Variants in MIPOL1 observed in about 807,000 individuals in gnomAD.
MIPOL1 encodes the protein mirror-image polydactyly 1.
A neutral mutation model predicts 60.9 loss-of-function variants in MIPOL1; 57 were observed. That is an observed-to-expected ratio of 0.94 (90% CI 0.76 to 1.17). The LOEUF is 1.17. Ranked by LOEUF, MIPOL1 falls within the 50% of genes most tolerant of loss-of-function variation. The pLI is 0.00. For synonymous variants in MIPOL1, 179 were observed against 168.8 expected (o/e 1.06, Z -0.47); for missense variants, 551 against 511.6 (o/e 1.08, Z -0.74).
chr14:37,450,581 T>A (rs902185818), intron 11 of MIPOL1, among the ~76,000 whole-genome samples: 2 of 152,064 alleles, frequency 1.3e-5, no homozygotes, highest in Non-Finnish European at 2.9e-5. Flanking sequence ...TAGGAATGGA[T>A]CTTCCTTCAT....
chr14:37,521,700 C>G (rs1164577384), intron 12 of MIPOL1, among the ~76,000 whole-genome samples: 1 of 151,960 alleles, frequency 6.6e-6, no homozygotes, highest in Non-Finnish European at 1.5e-5. Context: ...CGGATCTCTT[C>G]CAGTACTCCA....
chr14:37,269,324 C>T (rs2083111229), intron 5 of MIPOL1, among the ~76,000 whole-genome samples: 1 of 151,850 alleles, frequency 6.6e-6, no homozygotes, highest in African/African-American at 2.4e-5. Flanking sequence ...GACTCTTATT[C>T]TAGTTATAGT....
chr14:37,287,230 AAT>A (rs1003563693), intron 7 of MIPOL1, among the ~76,000 whole-genome samples: 2 of 150,186 alleles, frequency 1.3e-5, no homozygotes, highest in Admixed American at 6.7e-5. Flanking sequence ...TATATTTAAA[AAT>A]ATATATATAT....
intron 12 of MIPOL1, among the ~76,000 whole-genome samples, chr14:37,511,656 G>A (rs1384833079): frequency 6.6e-6 from 1 of 152,098 alleles, no homozygotes; most frequent in Non-Finnish European, 1.5e-5. Context: ...AAGTTCCAAA[G>A]GACTTTTAAA....
chr14:37,450,801 A>G (rs1015933446), intron 11 of MIPOL1, among the ~76,000 whole-genome samples: 6 of 152,102 alleles, frequency 3.9e-5, no homozygotes, highest in Non-Finnish European at 7.4e-5. Flanking sequence ...AAATTTCTTC[A>G]ACTTGATTTC....
intron 10 of MIPOL1, 137 bp from the exon 11 acceptor site, chr14:37,422,718 T>TA: frequency 1.7e-6 from 1 of 593,626 alleles, no homozygotes. Context: ...TCTGGTAACT[T>TA]ATGAGACACT....
intron 12 of MIPOL1, among the ~76,000 whole-genome samples, chr14:37,532,554 G>C (rs2095486005): frequency 1.3e-5 from 2 of 151,940 alleles, no homozygotes; most frequent in South Asian, 4.1e-4. Flanking sequence ...GAAAAAAAAT[G>C]AAAGTCAGTC....
chr14:37,322,102 TA>T (rs1490764508), intron 9 of MIPOL1, among the ~76,000 whole-genome samples: 1 of 152,084 alleles, frequency 6.6e-6, no homozygotes, highest in Non-Finnish European at 1.5e-5. Context: ...TGCATTCATG[TA>T]AATGCAGGCA....
intron 11 of MIPOL1, among the ~76,000 whole-genome samples, chr14:37,467,728 A>G (rs1311833498): frequency 6.6e-6 from 1 of 152,132 alleles, no homozygotes; most frequent in Non-Finnish European, 1.5e-5. Context: ...TTGAGGTGCT[A>G]AAGATAAAAT....
intron 7 of MIPOL1, among the ~76,000 whole-genome samples, chr14:37,305,202 T>G (rs2086679327): frequency 6.6e-6 from 1 of 151,826 alleles, no homozygotes; most frequent in African/African-American, 2.4e-5. Context: ...TGAATTTCAT[T>G]TTCTGAAAAT....
chr14:37,367,882 G>A (rs1464153526), intron 9 of MIPOL1, among the ~76,000 whole-genome samples: 2 of 151,982 alleles, frequency 1.3e-5, no homozygotes, highest in Non-Finnish European at 2.9e-5. Context: ...TGTGTCCTTA[G>A]TAACACACAC....
intron 12 of MIPOL1, among the ~76,000 whole-genome samples, chr14:37,536,694 T>C (rs552082581): frequency 1.3e-5 from 2 of 152,308 alleles, no homozygotes; most frequent in East Asian, 3.9e-4. Flanking sequence ...TATTACCAAA[T>C]TATTTTAGAC....
chr14:37,250,892 C>T (rs776560076), intron 3 of MIPOL1, among the ~76,000 whole-genome samples: 2 of 151,848 alleles, frequency 1.3e-5, no homozygotes, highest in Non-Finnish European at 2.9e-5. Context: ...ACTGTAGAAA[C>T]GCTTCTGAAA....
At chr14:37,342,287 G>A (rs947808848) in intron 9 of MIPOL1, among the ~76,000 whole-genome samples, 1 of 151,950 alleles carries the variant, frequency 6.6e-6, no homozygotes, top group African/African-American at 2.4e-5. Context: ...AGCCTGGGAG[G>A]GAGGCGGAGG....
At chr14:37,461,309 C>T (rs2094535824) in intron 11 of MIPOL1, among the ~76,000 whole-genome samples, 1 of 152,106 alleles carries the variant, frequency 6.6e-6, no homozygotes, top group Non-Finnish European at 1.5e-5. Context: ...TGTCAGTGGG[C>T]AAAGAGAGAG....
chr14:37,333,430 C>T (rs2089885215), intron 9 of MIPOL1, among the ~76,000 whole-genome samples: 1 of 151,988 alleles, frequency 6.6e-6, no homozygotes, highest in Non-Finnish European at 1.5e-5. Context: ...ACCAACTGTA[C>T]TCCAATTAAA....
chr14:37,355,958 G>A (rs995772970), intron 9 of MIPOL1, among the ~76,000 whole-genome samples: 1 of 145,294 alleles, frequency 6.9e-6, no homozygotes, highest in African/African-American at 2.5e-5. Flanking sequence ...GAGGAACTGT[G>A]TTCCTTTGGA....
chr14:37,482,012 A>G (rs903927678), intron 11 of MIPOL1, among the ~76,000 whole-genome samples: 1 of 152,104 alleles, frequency 6.6e-6, no homozygotes, highest in African/African-American at 2.4e-5. Flanking sequence ...GGGAAACTAT[A>G]TTATGTTGGT....
chr14:37,224,246 G>T (rs1258790994), intron 1 of MIPOL1, among the ~76,000 whole-genome samples: 2 of 152,178 alleles, frequency 1.3e-5, no homozygotes, highest in Non-Finnish European at 2.9e-5. Context: ...TTGCGAGGCT[G>T]AGGTGGGAGG....
Sources: gnomAD v4.1 joint callset for allele counts (sites outside exome capture counted in the v4.1 genomes callset) on GRCh38, gnomAD v4.1.1 for gene constraint, MANE v1.5 for transcripts, NCBI Gene and HGNC (gene_info 2026-07-23, HGNC 2026-07-21) for gene names.